TLN2: variants seen among roughly 807,000 people sequenced by gnomAD.
TLN2 encodes the protein talin-2.
Under a neutral mutation model 294.7 loss-of-function variants are expected in TLN2, and 118 were observed. The ratio of observed to expected loss-of-function variants is 0.40; its 90% CI spans 0.34 to 0.47. TLN2 has a LOEUF of 0.47. Ranked by LOEUF, TLN2 falls within the 20% of genes least tolerant of loss-of-function variation. The pLI, the probability that TLN2 is intolerant of heterozygous loss-of-function variation, is 0.84. For synonymous variants in TLN2, 1,431 were observed against 1,304.5 expected, an observed-to-expected ratio of 1.10 and a Z score of -2.09; for missense variants, 3,083 against 3,282.2, an observed-to-expected ratio of 0.94 and a Z score of 1.48.
intron 1 of TLN2, among the ~76,000 whole-genome samples, chr15:62,458,850 A>C (rs969533291): frequency 3.3e-5 from 5 of 151,992 alleles, no homozygotes; most frequent in African/African-American, 1.2e-4. Flanking sequence ...CTTAATCAGC[A>C]TTTCTTCCTT....
At chr15:62,482,614 A>G (rs1595904446) in intron 1 of TLN2, among the ~76,000 whole-genome samples, 1 of 151,754 alleles carries the variant, frequency 6.6e-6, no homozygotes, top group African/African-American at 2.4e-5. Context: ...AAAAAAAAAA[A>G]AAAAAAAAAA....
At chr15:62,579,120 C>G in intron 1 of TLN2, among the ~76,000 whole-genome samples, 1 of 152,046 alleles carries the variant, frequency 6.6e-6, no homozygotes, top group East Asian at 1.9e-4. Flanking sequence ...TTAATTTTCA[C>G]AATATACTGA....
chr15:62,682,283 C>G lies in TLN2; in HGVS notation c.958-4358C>G, dbSNP rs545588963. ...TGAATTTTATGTAATTTTTCTCGCACAAAATATTCCTCTTGGTTTTTGTTT... is the reference window on the plus strand; with the variant it reads ...TGAATTTTATGTAATTTTTCTCGCAGAAAATATTCCTCTTGGTTTTTGTTT... On this transcript the variant is annotated intron_variant, in intron 11 of 58. Transcript: ENST00000636159. Among the ~76,000 whole-genome samples the G allele has an allele frequency of 1.2e-4, 18 of 152,300 alleles. 1 individual carries two copies. The South Asian group carries it at 3.1e-3, about 26-fold the overall frequency.
intron 45 of TLN2, among the ~76,000 whole-genome samples, chr15:62,785,866 A>G (rs1220877701): frequency 6.6e-6 from 1 of 152,158 alleles, no homozygotes; most frequent in African/African-American, 2.4e-5. Context: ...GACAGAGACC[A>G]TTGAACCAAA....
At chr15:62,729,920 T>C (rs1206340425) in intron 28 of TLN2, among the ~76,000 whole-genome samples, 1 of 152,176 alleles carries the variant, frequency 6.6e-6, no homozygotes, top group Non-Finnish European at 1.5e-5. Flanking sequence ...TACTATTCTT[T>C]TATGATTTCT....
chr15:62,477,084 A>G (rs1490250988), intron 1 of TLN2, among the ~76,000 whole-genome samples: 5 of 152,244 alleles, frequency 3.3e-5, no homozygotes, highest in South Asian at 2.1e-4. Flanking sequence ...GGCACAGTCT[A>G]TGCTGTCTAG....
At chr15:62,791,845 A>G (rs1027558434) in intron 45 of TLN2, among the ~76,000 whole-genome samples, 1 of 152,228 alleles carries the variant, frequency 6.6e-6, no homozygotes, top group Non-Finnish European at 1.5e-5. Flanking sequence ...GGCCGGAGGA[A>G]TGCAAACTTC....
intron 9 of TLN2, among the ~76,000 whole-genome samples, chr15:62,673,310 CTTTTTTTTTT>C (rs56258541): frequency 4.7e-5 from 2 of 42,856 alleles, no homozygotes; most frequent in African/African-American, 1.5e-4. Flanking sequence ...TTAGATGTTG[CTTTTTTTTTT>C]TTTTTTTTGC....
chr15:62,771,005 C>A lies in TLN2; in HGVS notation c.5238C>A (p.Ala1746=). 6.2e-7 allele frequency: 1 copy of A among 1,613,036 alleles called. No homozygotes were observed. The highest frequency in any genetic ancestry group is 1.7e-5 in the Admixed American group (1 of 59,936). The stretch of plus-strand genomic sequence containing the variant: ...GCTATTTTGAGCCCTTGATCTTAGC[C>A]GCAGTTGGTGTGGCCTCCAAGATTC... The part of the protein sequence containing the change: ...LASYFEPLIL[A]AVGVASKILD... The change falls in exon 42 of 59, where the codon GCC becomes GCA. Residue 1746 remains alanine (A), a synonymous_variant. Coordinates refer to ENST00000636159, the MANE Select transcript of TLN2 (RefSeq NM_015059.3).
intron 2 of TLN2, among the ~76,000 whole-genome samples, chr15:62,600,384 A>G (rs1167240338): frequency 6.8e-6 from 1 of 146,846 alleles, no homozygotes; most frequent in Non-Finnish European, 1.5e-5. Context: ...AAGGTGCCAC[A>G]TTAGAGGCCA....
chr15:62,554,415 G>C (rs553935626), intron 1 of TLN2, among the ~76,000 whole-genome samples: 2 of 150,722 alleles, frequency 1.3e-5, no homozygotes, highest in African/African-American at 2.4e-5. Flanking sequence ...ATTTATACCA[G>C]AAAGCTGTAG....
At chr15:62,472,225 C>G (rs190246676) in intron 1 of TLN2, among the ~76,000 whole-genome samples, 1 of 152,252 alleles carries the variant, frequency 6.6e-6, no homozygotes. Flanking sequence ...TCCAGGACCC[C>G]TCCCCACACC....
At position 62,438,378 on chromosome 15, in the gene TLN2, T is replaced by C. The variant is rs187796740; in HGVS notation, c.-238+47693T>C. ...AGCCTTGTCTGTAAAGCTTAGTCTATCTGAAAGGTCCTTTCCTATCCAAAT... is the reference window on the plus strand; with the variant it reads ...AGCCTTGTCTGTAAAGCTTAGTCTACCTGAAAGGTCCTTTCCTATCCAAAT... On this transcript the variant is annotated intron_variant, in intron 1 of 58. Transcript: ENST00000636159. Among the ~76,000 whole-genome samples, 500 of 152,316 alleles carry C rather than the reference T, an allele frequency of 3.3e-3. 2 individuals carry two copies. The highest frequency in any genetic ancestry group is 0.011 in the African/African-American group (472 of 41,566).
At chr15:62,396,190 A>G (rs919688184) in intron 1 of TLN2, among the ~76,000 whole-genome samples, 10 of 152,148 alleles carry the variant, frequency 6.6e-5, no homozygotes, top group African/African-American at 9.7e-5. Context: ...AAAGATGTGT[A>G]AGGACACCCA....
chr15:62,590,500 T>C (rs2045995541), intron 2 of TLN2, among the ~76,000 whole-genome samples: 1 of 152,238 alleles, frequency 6.6e-6, no homozygotes, highest in African/African-American at 2.4e-5. Context: ...CATGATCTTG[T>C]TCTTTTTTAT....
chr15:62,768,238 T>TC (rs1286194393), intron 41 of TLN2, among the ~76,000 whole-genome samples: 2 of 152,206 alleles, frequency 1.3e-5, no homozygotes, highest in African/African-American at 4.8e-5. Context: ...TATTCTCTCA[T>TC]CCAAGGTCTA....
At position 62,459,260 on chromosome 15, in the gene TLN2, A is replaced by G. The variant is rs181229516; in HGVS notation, c.-238+68575A>G. ...CGTGATCCACCTACCTTGGCCTCCC[A>G]AAGTGCTGGGATTACAGGTGTGAGC... On this transcript the variant is annotated intron_variant, in intron 1 of 58. Coordinates refer to ENST00000636159, the MANE Select transcript of TLN2 (RefSeq NM_015059.3). Among the ~76,000 whole-genome samples the G allele has an allele frequency of 3.7e-3, 546 of 149,350 alleles. 2 individuals carry two copies. The highest frequency in any genetic ancestry group is 6.4e-3 in the Non-Finnish European group (433 of 67,642).
intron 1 of TLN2, among the ~76,000 whole-genome samples, chr15:62,393,234 G>C (rs2032246440): frequency 6.6e-6 from 1 of 152,168 alleles, no homozygotes; most frequent in South Asian, 2.1e-4. Flanking sequence ...AGATTCCAAA[G>C]AGTATTAGAG....
intron 34 of TLN2, 51 bp downstream of exon 34, chr15:62,750,542 G>T: frequency 6.5e-7 from 1 of 1,530,298 alleles, no homozygotes; most frequent in Non-Finnish European, 9.1e-7. Context: ...TGTCAATGTG[G>T]GGAGAAGTTT....
Sources: allele counts gnomAD v4.1 joint callset (sites outside exome capture counted in the v4.1 genomes callset), GRCh38; gene constraint gnomAD v4.1.1; transcripts MANE v1.5; gene names NCBI Gene and HGNC (gene_info 2026-07-23, HGNC 2026-07-21).